HS6ST2: variants seen among roughly 807,000 people sequenced by gnomAD.
HS6ST2 encodes heparan-sulfate 6-O-sulfotransferase 2.
HS6ST2 carries 17 observed loss-of-function variants against 33.0 expected under a neutral mutation model. That is an observed-to-expected ratio of 0.52 (90% CI 0.35 to 0.77). The LOEUF (loss-of-function observed/expected upper bound fraction) is 0.77, where lower values mean the gene tolerates loss of function less well. Ranked by LOEUF, HS6ST2 falls within the 30% of genes least tolerant of loss-of-function variation. HS6ST2 has a pLI of 0.01. For missense variants in HS6ST2, 519 were observed against 551.7 expected, an observed-to-expected ratio of 0.94 and a Z score of 0.59; for synonymous variants, 248 against 237.1, an observed-to-expected ratio of 1.05 and a Z score of -0.42.
intron 2 of HS6ST2, among the ~76,000 whole-genome samples, chrX:132,714,068 AC>A (rs1257096798): frequency 9.0e-6 from 1 of 111,714 alleles, no homozygotes; most frequent in African/African-American, 3.3e-5. Flanking sequence ...TATGTCAAAA[AC>A]CCTTAGGTTC....
intron 2 of HS6ST2, among the ~76,000 whole-genome samples, chrX:132,746,318 C>T (rs941651842): frequency 8.1e-5 from 9 of 110,606 alleles, no homozygotes; most frequent in Non-Finnish European, 1.5e-4. Flanking sequence ...CTGGCTAACA[C>T]GGTGAAAACC....
At chrX:132,693,163 A>G (rs1176381015) in intron 3 of HS6ST2, among the ~76,000 whole-genome samples, 1 of 112,263 alleles carries the variant, frequency 8.9e-6, no homozygotes, top group Non-Finnish European at 1.9e-5. Context: ...CAGGCAGAGC[A>G]GACCCTGTGG....
chrX:132,837,587 G>A (rs772275142), intron 2 of HS6ST2, among the ~76,000 whole-genome samples: 19 of 111,707 alleles, frequency 1.7e-4, no homozygotes, highest in Non-Finnish European at 3.0e-4. Flanking sequence ...CTGTGTGGCA[G>A]GTTCCTGTGA....
chrX:132,669,142 T>C lies in HS6ST2; in HGVS notation c.1038A>G (p.Thr346=). The stretch of plus-strand genomic sequence containing the variant: ...CACTCTTAGATGTGTTCCGGGTCTT[T>C]GTGGATGACGGAGAGTTGGCGCCTG... ...TNAGANSPSS[T]KTRNTSKSGK... is the part of the protein sequence containing the mutation. The change falls in exon 4 of 5, where the codon ACA becomes ACG. Residue 346 remains threonine, a synonymous_variant. Coordinates refer to ENST00000370833, the MANE Select transcript of HS6ST2 (RefSeq NM_001394073.1). The C allele has an allele frequency of 2.5e-6, 3 of 1,208,617 alleles. No homozygotes were observed. The highest frequency in any genetic ancestry group is 3.4e-6 in the Non-Finnish European group (3 of 892,783).
At chrX:132,680,646 G>T (rs2063962149) in intron 3 of HS6ST2, among the ~76,000 whole-genome samples, 1 of 110,949 alleles carries the variant, frequency 9.0e-6, no homozygotes, top group Admixed American at 9.6e-5. Flanking sequence ...GAAGGCTTGG[G>T]ATCAAAGGAG....
chrX:132,829,785 G>A (rs2065570436), intron 2 of HS6ST2, among the ~76,000 whole-genome samples: 1 of 111,723 alleles, frequency 9.0e-6, no homozygotes, highest in African/African-American at 3.3e-5. Flanking sequence ...GATAGAAGAT[G>A]TACTTGCCCG....
intron 2 of HS6ST2, among the ~76,000 whole-genome samples, chrX:132,838,767 G>A (rs755220561): frequency 2.7e-5 from 3 of 109,291 alleles, no homozygotes; most frequent in East Asian, 5.8e-4. Context: ...ACCACCTGCC[G>A]TCACTATTTT....
intron 2 of HS6ST2, among the ~76,000 whole-genome samples, chrX:132,793,473 G>GA (rs1296521659): frequency 9.0e-6 from 1 of 111,427 alleles, no homozygotes; most frequent in Non-Finnish European, 1.9e-5. Context: ...GAGAGATGAG[G>GA]AGAGAGTGTT....
chrX:132,672,268 A>G (rs1026130357), intron 3 of HS6ST2, among the ~76,000 whole-genome samples: 9 of 107,560 alleles, frequency 8.4e-5, no homozygotes, highest in Non-Finnish European at 1.3e-4. Flanking sequence ...AACCTGTTTC[A>G]AAGACACATA....
intron 4 of HS6ST2, among the ~76,000 whole-genome samples, chrX:132,657,328 G>T: frequency 9.0e-6 from 1 of 111,104 alleles, no homozygotes; most frequent in Non-Finnish European, 1.9e-5. Context: ...GACAAAGCTG[G>T]GTATGTGTAG....
chrX:132,865,988 A>T (rs1172451219), intron 2 of HS6ST2, among the ~76,000 whole-genome samples: 1 of 111,604 alleles, frequency 9.0e-6, no homozygotes, highest in Non-Finnish European at 1.9e-5. Flanking sequence ...GTTTAATTAG[A>T]TCCCATTTGT....
chrX:132,859,484 T>C (rs1038361024), intron 2 of HS6ST2, among the ~76,000 whole-genome samples: 5 of 109,150 alleles, frequency 4.6e-5, no homozygotes, highest in Non-Finnish European at 9.5e-5. Context: ...AAATGGAGAA[T>C]TGGAGGAACA....
chrX:132,904,709 T>G (rs756500009), intron 2 of HS6ST2, among the ~76,000 whole-genome samples: 1 of 100,649 alleles, frequency 9.9e-6, no homozygotes, highest in African/African-American at 3.5e-5. Flanking sequence ...TTTTTTTTTG[T>G]AAAGACAGAG....
chrX:132,741,866 T>C (rs1432649263), intron 2 of HS6ST2, among the ~76,000 whole-genome samples: 1 of 111,708 alleles, frequency 9.0e-6, no homozygotes, highest in Non-Finnish European at 1.9e-5. Flanking sequence ...TGTGTGTCAC[T>C]TCCATGAGTC....
intron 2 of HS6ST2, among the ~76,000 whole-genome samples, chrX:132,847,490 A>C (rs1004002256): frequency 9.0e-6 from 1 of 111,463 alleles, no homozygotes; most frequent in Admixed American, 9.6e-5. Context: ...GACAATAATA[A>C]AATTTTTATC....
Position 132,952,893 on chromosome X carries a change from C to A in HS6ST2, c.947+3915G>T, listed in dbSNP as rs942660974. Among the ~76,000 whole-genome samples the A allele has an allele frequency of 7.2e-5, 8 of 111,156 alleles. No homozygotes were observed. The Admixed American group carries it at 7.6e-4, about 11-fold the overall frequency. On this transcript the variant is annotated intron_variant, in intron 2 of 4. Transcript: ENST00000370833. ...TGTTCTTCTCCCAATGGGTGTGGTA[C>A]CCCCGGCCCAATCACTCATCCAAAC... is the stretch of plus-strand genomic sequence containing the variant.
intron 2 of HS6ST2, among the ~76,000 whole-genome samples, chrX:132,887,908 T>G (rs1007146600): frequency 4.5e-5 from 5 of 112,025 alleles, no homozygotes; most frequent in Non-Finnish European, 9.4e-5. Context: ...TGCAAAAGAC[T>G]ACATGTTATA....
intron 2 of HS6ST2, chrX:132,735,365 C>T (rs1415422867): frequency 9.0e-6 from 1 of 111,184 alleles, no homozygotes; most frequent in Non-Finnish European, 1.9e-5. Context: ...ATGCATGTTT[C>T]AGAGCCTTTT....
intron 2 of HS6ST2, among the ~76,000 whole-genome samples, chrX:132,952,049 T>C (rs748246528): frequency 8.9e-6 from 1 of 112,090 alleles, no homozygotes; most frequent in East Asian, 2.8e-4. Flanking sequence ...TCTTTTAATG[T>C]CATTACATAC....
Sources: gnomAD v4.1 joint callset for allele counts (sites outside exome capture counted in the v4.1 genomes callset) on GRCh38, gnomAD v4.1.1 for gene constraint, MANE v1.5 for transcripts, NCBI Gene and HGNC (gene_info 2026-07-23, HGNC 2026-07-21) for gene names.